The following SETDB1 variants were observed in gnomAD, a reference collection of about 807,000 sequenced individuals.
The protein encoded by SETDB1 is SET domain bifurcated histone lysine methyltransferase 1.
In SETDB1, 31 loss-of-function variants were observed where a neutral mutation model predicts 137.4. The observed-to-expected ratio is 0.23, with a 90% confidence interval of 0.17 to 0.30. SETDB1 has a LOEUF of 0.30. Ranked by LOEUF, SETDB1 falls within the 10% of genes least tolerant of loss-of-function variation. SETDB1 has a pLI of 1.00. For missense variants in SETDB1, 1,113 were observed against 1,631.5 expected (o/e 0.68, Z 5.47); for synonymous variants, 548 against 579.9 (o/e 0.95, Z 0.79).
At position 150,926,373 on chromosome 1, in the gene SETDB1, C is replaced by T. The variant is rs1179174511; in HGVS notation, c.-156C>T. The T allele has an allele frequency of 1.4e-5, 3 of 216,462 alleles. No homozygotes were observed. The highest frequency in any genetic ancestry group is 1.1e-4 in the South Asian group (2 of 18,404). The allele number at this position is 216,462 out of a possible 1,614,324, so 13.4% of individuals were successfully genotyped here. ...GGTTTGCTTCCGGGCGTTTCTTTTG[C>T]TTCCCCTTCCCTCTTTCACGCTTCC... On this transcript the variant is annotated 5_prime_UTR_variant, in exon 1 of 22. Coordinates refer to ENST00000692827, the MANE Select transcript of SETDB1 (RefSeq NM_001366418.1).
rs762705875 is a variant in SETDB1, at chr1:150,949,220, C to T, written c.1366C>T (p.Pro456Ser). 24 of 1,613,990 alleles carry T rather than the reference C, an allele frequency of 1.5e-5. No homozygotes were observed. The highest frequency in any genetic ancestry group is 1.9e-5 in the Non-Finnish European group (23 of 1,180,026). Residue 456 changes from proline to serine, a missense_variant, in exon 11 of 22, where the codon CCA (proline) becomes TCA (serine). Physicochemically the swap from Pro to Ser is moderately conservative, Grantham distance 74. Transcript: ENST00000692827. ...KPVEPPQPTAPPAPPFPPAPP... is the reference protein window; with the variant it reads ...KPVEPPQPTASPAPPFPPAPP... The stretch of plus-strand genomic sequence containing the variant: ...AGTGGAACCCCCACAGCCTACAGCT[C>T]CACCTGCCCCACCTTTCCCACCTGC...
At position 150,959,298 on chromosome 1, in the gene SETDB1, C is replaced by T. The variant is rs768951838; in HGVS notation, c.2454C>T (p.Ile818=). The change falls in exon 15 of 22, where the codon ATC becomes ATT. Residue 818 remains isoleucine, a synonymous_variant. Coordinates refer to ENST00000692827, the MANE Select transcript of SETDB1 (RefSeq NM_001366418.1). ...LFKTQNKGWG[I]RCLDDIAKGS... Reference sequence around the variant, plus strand: ...AGACACAGAACAAGGGCTGGGGTATCCGCTGCTTGGATGACATTGCCAAAG... The same window carrying T: ...AGACACAGAACAAGGGCTGGGGTATTCGCTGCTTGGATGACATTGCCAAAG... 4 of 1,608,834 alleles carry T rather than the reference C, an allele frequency of 2.5e-6. No individual in the cohort carries two copies. Among genetic ancestry groups the T allele is most frequent in the Admixed American group, 3.4e-5 (2 of 58,856 alleles).
rs758157334 is a variant in SETDB1 at position 150,942,939 on chromosome 1, C to T, written c.761C>T (p.Pro254Leu). 1.2e-6 allele frequency: 2 copies of T among 1,614,008 alleles called. No homozygotes were observed. The highest frequency in any genetic ancestry group is 2.2e-5 in the South Asian group (2 of 91,074). ...GNHIAYDYHP[P>L]ADKLYVGSRV... is the part of the protein sequence containing the mutation. ...CATATTGCCTATGATTACCACCCTC[C>T]TGCTGACAAGCTGTATGTGGGCAGT... Residue 254 changes from proline to leucine, a missense_variant, in exon 7 of 22, where the codon CCT becomes CTT. Pro to Leu is a moderately conservative substitution (Grantham distance 98). Coordinates refer to ENST00000692827, the MANE Select transcript of SETDB1 (RefSeq NM_001366418.1).
In SETDB1 at chr1:150,942,917, A is replaced by G. The variant is rs1181266285; in HGVS notation, c.739A>G (p.Ile247Val). The change falls in exon 7 of 22, where the codon ATT becomes GTT. Residue 247 changes from isoleucine (I) to valine (V), a missense_variant. By Grantham distance (29) the Ile-to-Val change is conservative. Transcript: ENST00000692827. ...KGKSLLSGNH[I>V]AYDYHPPADK... is the part of the protein sequence containing the mutation. Reference sequence around the variant, plus strand: ...AAAGAGTCTACTGTCGGGGAACCATATTGCCTATGATTACCACCCTCCTGC... The same window carrying G: ...AAAGAGTCTACTGTCGGGGAACCATGTTGCCTATGATTACCACCCTCCTGC... 6.2e-7 allele frequency: 1 copy of G among 1,613,964 alleles called. No homozygotes were observed. The highest frequency in any genetic ancestry group is 8.5e-7 in the Non-Finnish European group (1 of 1,179,974).
chr1:150,960,852 G>A lies in SETDB1; in HGVS notation c.2793G>A (p.Gln931=), dbSNP rs377080975. The A allele has an allele frequency of 5.0e-5, 81 of 1,605,462 alleles. No homozygotes were observed. The highest frequency in any genetic ancestry group is 6.9e-5 in the Non-Finnish European group (81 of 1,175,624). The change falls in exon 16 of 22, where the codon CAG becomes CAA. Residue 931 remains glutamine, a synonymous_variant. Coordinates refer to ENST00000692827, the MANE Select transcript of SETDB1 (RefSeq NM_001366418.1). The part of the protein sequence containing the change: ...SVWRSYATRR[Q]TRGQKENGLS... Reference sequence around the variant, plus strand: ...GGCGGAGCTATGCTACCCGGAGGCAGACCCGGGGCCAGAAAGAGAACGGAC... The same window carrying A: ...GGCGGAGCTATGCTACCCGGAGGCAAACCCGGGGCCAGAAAGAGAACGGAC...
In SETDB1 at chr1:150,952,173, A is replaced by G. The variant is rs76557689; in HGVS notation, c.2333+692A>G. On this transcript the variant is annotated intron_variant, in intron 14 of 21. Transcript: ENST00000692827. ...TAAAAAAAAAAAAAGAAAAGTTAGAATCAAATTCATGGTGCTCTTACAGGA... is the reference window on the plus strand; with the variant it reads ...TAAAAAAAAAAAAAGAAAAGTTAGAGTCAAATTCATGGTGCTCTTACAGGA... Among the ~76,000 whole-genome samples, 294 of 152,110 alleles carry G rather than the reference A, an allele frequency of 1.9e-3. 7 individuals carry two copies. The East Asian group carries it at 0.051, about 26-fold the overall frequency.
chr1:150,963,696 C>T lies in SETDB1; in HGVS notation c.3627C>T (p.Tyr1209=), dbSNP rs140932562. Residue 1209 remains tyrosine, a synonymous_variant, in exon 20 of 22, where the codon TAC becomes TAT. Transcript: ENST00000692827. The part of the protein sequence containing the change: ...RQFYDGEESC[Y]IIDAKLEGNL... ...TCTATGATGGCGAGGAGTCTTGCTA[C>T]ATCATTGATGCCAAGCTTGAAGGCA... is the stretch of plus-strand genomic sequence containing the variant. 1 of 1,614,080 alleles carries T rather than the reference C, an allele frequency of 6.2e-7. No individual in the cohort carries two copies. Among genetic ancestry groups the T allele is most frequent in the Non-Finnish European group, 8.5e-7 (1 of 1,180,056 alleles).
At chr1:150,959,506 C>T (rs1670753994) in intron 15 of SETDB1, among the ~76,000 whole-genome samples, 159 bp downstream of exon 15, 1 of 152,084 alleles carries the variant, frequency 6.6e-6, no homozygotes, top group African/African-American at 2.4e-5. Context: ...ATGTACCTGT[C>T]TAGCTAGACC....
intron 14 of SETDB1, among the ~76,000 whole-genome samples, chr1:150,953,897 C>G (rs913642460): frequency 6.6e-6 from 1 of 151,538 alleles, no homozygotes; most frequent in Admixed American, 6.6e-5. Context: ...CTCTGTCGCC[C>G]AGGCTGGAGT....
intron 3 of SETDB1, among the ~76,000 whole-genome samples, chr1:150,933,168 T>C (rs1176846185): frequency 6.6e-6 from 1 of 151,876 alleles, no homozygotes; most frequent in Non-Finnish European, 1.5e-5. Flanking sequence ...CAAGTGATCC[T>C]CCCACGTCAG....
chr1:150,948,333 C>T (rs1670390623), intron 10 of SETDB1, among the ~76,000 whole-genome samples: 1 of 147,554 alleles, frequency 6.8e-6, no homozygotes, highest in Non-Finnish European at 1.5e-5. Context: ...TGCAGTGGCA[C>T]CATCTCAGCT....
intron 7 of SETDB1, 40 bp from the exon 8 acceptor site, chr1:150,943,880 A>G (rs1323297906): frequency 2.4e-6 from 3 of 1,254,164 alleles, no homozygotes; most frequent in East Asian, 2.3e-5. Context: ...GTTAAATATC[A>G]TAACCCCCAG....
At chr1:150,962,210 C>T in intron 17 of SETDB1, 52 bp downstream of exon 17, 1 of 1,548,484 alleles carries the variant, frequency 6.5e-7, no homozygotes, top group Non-Finnish European at 8.9e-7. Context: ...GCTTTGTCAC[C>T]CAGGCTGGAG....
At chr1:150,941,857 A>T (rs899012027) in intron 5 of SETDB1, among the ~76,000 whole-genome samples, 1 of 152,032 alleles carries the variant, frequency 6.6e-6, no homozygotes, top group African/African-American at 2.4e-5. Context: ...AATTCTCCAG[A>T]TGGGCCAGGC....
At chr1:150,949,859 C>T (rs1273946546) in intron 12 of SETDB1, among the ~76,000 whole-genome samples, 2 of 151,868 alleles carry the variant, frequency 1.3e-5, no homozygotes, top group African/African-American at 2.4e-5. Flanking sequence ...CGCAGCAGAC[C>T]AAAAAAACAT....
intron 10 of SETDB1, among the ~76,000 whole-genome samples, chr1:150,948,271 T>C (rs1261233626): frequency 1.8e-5 from 1 of 56,054 alleles, no homozygotes; most frequent in South Asian, 9.9e-4. Context: ...AGAGTAGCAA[T>C]TTTTTTTTTT....
In SETDB1 at chr1:150,932,901, T is replaced by C. The variant is rs71624513; in HGVS notation, c.412+2783T>C. 5.3e-3 allele frequency among the ~76,000 whole-genome samples: 815 copies of C among 152,348 alleles called. 2 individuals carry two copies. The highest frequency in any genetic ancestry group is 8.4e-3 in the Non-Finnish European group (573 of 68,036). ...ACTTTTTTTATGTTGTGTTTTCAGCTTCATTAAACTTGGCATCATTTTTAA... is the reference window on the plus strand; with the variant it reads ...ACTTTTTTTATGTTGTGTTTTCAGCCTCATTAAACTTGGCATCATTTTTAA... On this transcript the variant is annotated intron_variant, in intron 3 of 21. Transcript: ENST00000692827.
intron 14 of SETDB1, among the ~76,000 whole-genome samples, chr1:150,956,374 A>T (rs1670642707): frequency 6.8e-6 from 1 of 146,888 alleles, no homozygotes; most frequent in Admixed American, 7.1e-5. Context: ...CAATAGAGTG[A>T]GACTCCGCCT....
intron 14 of SETDB1, among the ~76,000 whole-genome samples, chr1:150,952,803 C>T (rs985122939): frequency 6.6e-6 from 1 of 152,098 alleles, no homozygotes; most frequent in Non-Finnish European, 1.5e-5. Flanking sequence ...AGGAGAATTG[C>T]TTGAATCTGG....
Sources: allele counts gnomAD v4.1 joint callset (sites outside exome capture counted in the v4.1 genomes callset), GRCh38; gene constraint gnomAD v4.1.1; transcripts MANE v1.5; gene names NCBI Gene and HGNC (gene_info 2026-07-23, HGNC 2026-07-21).